Variants in KLRG1 observed in about 807,000 individuals in gnomAD.
The protein encoded by KLRG1 is killer cell lectin-like receptor subfamily G member 1.
Under a neutral mutation model 21.8 loss-of-function variants are expected in KLRG1, and 16 were observed. That is an observed-to-expected ratio of 0.73 (90% CI 0.50 to 1.11). The LOEUF (loss-of-function observed/expected upper bound fraction) is 1.11, where lower values mean the gene tolerates loss of function less well. Among genes scored for constraint, KLRG1 ranks in the 50% most tolerant of loss-of-function variants. The pLI, the probability that KLRG1 is intolerant of heterozygous loss-of-function variation, is 0.00. For synonymous variants in KLRG1, 69 were observed against 75.9 expected (o/e 0.91, Z 0.47); for missense variants, 173 against 218.3 (o/e 0.79, Z 1.31).
At chr12:9,086,921 T>C in the KLRG1 span, among the ~76,000 whole-genome samples, 1,352 of 152,300 alleles carry the variant, frequency 8.9e-3, 25 homozygotes, top group African/African-American at 0.031. Flanking sequence ...CAAGAACTTA[T>C]AAATGAATGC....
chr12:9,134,748 T>A, the KLRG1 span, among the ~76,000 whole-genome samples: 283 of 152,314 alleles, frequency 1.9e-3, 2 homozygotes, highest in Middle Eastern at 0.01. Context: ...AATTTTCTTC[T>A]TTTTAAAGAA....
the KLRG1 span, among the ~76,000 whole-genome samples, chr12:9,196,032 T>C: frequency 1.3e-5 from 2 of 152,104 alleles, no homozygotes; most frequent in Non-Finnish European, 2.9e-5. Context: ...ATGATAGAAA[T>C]ATCATTTATT....
chr12:8,961,912 C>T (rs1285051146), intron 1 of KLRG1, among the ~76,000 whole-genome samples: 1 of 152,110 alleles, frequency 6.6e-6, no homozygotes, highest in Non-Finnish European at 1.5e-5. Flanking sequence ...ATAGGAAGAC[C>T]TCATCTCTAC....
At chr12:9,195,973 GAC>G in the KLRG1 span, among the ~76,000 whole-genome samples, 1 of 151,870 alleles carries the variant, frequency 6.6e-6, no homozygotes, top group Admixed American at 6.6e-5. Context: ...AAAGAACACT[GAC>G]AGCCATAAAT....
chr12:9,126,008 C>G, the KLRG1 span, among the ~76,000 whole-genome samples: 2 of 152,250 alleles, frequency 1.3e-5, no homozygotes, highest in African/African-American at 4.8e-5. Flanking sequence ...GCTGGGATTA[C>G]AGGCGTGAGC....
intron 3 of KLRG1, among the ~76,000 whole-genome samples, chr12:8,996,972 A>G (rs1392892880): frequency 6.6e-6 from 1 of 152,224 alleles, no homozygotes; most frequent in Non-Finnish European, 1.5e-5. Context: ...AGCAGCTGCT[A>G]TAAATTTCAC....
chr12:9,111,052 G>A, the KLRG1 span, among the ~76,000 whole-genome samples: 1 of 152,078 alleles, frequency 6.6e-6, no homozygotes, highest in East Asian at 1.9e-4. Flanking sequence ...GAATTCTTAC[G>A]TAGTTCTAAG....
the KLRG1 span, chr12:9,196,454 G>T: frequency 3.1e-6 from 5 of 1,592,600 alleles, no homozygotes; most frequent in Non-Finnish European, 4.3e-6. Flanking sequence ...AAAATATAAA[G>T]AGTCAGTACT....
chr12:8,994,539 G>T (rs753714778), intron 2 of KLRG1, among the ~76,000 whole-genome samples: 50 of 152,312 alleles, frequency 3.3e-4, no homozygotes, highest in African/African-American at 1.2e-3. Flanking sequence ...TTTTGCTGAG[G>T]TATAAGGGTT....
intron 1 of KLRG1, among the ~76,000 whole-genome samples, chr12:8,967,084 G>A (rs1344452783): frequency 1.3e-5 from 2 of 148,468 alleles, no homozygotes; most frequent in Non-Finnish European, 3.0e-5. Flanking sequence ...CTATTGCAAG[G>A]ACAAAAAACC....
chr12:8,959,834 G>A (rs1946354413), intron 1 of KLRG1, among the ~76,000 whole-genome samples: 1 of 152,096 alleles, frequency 6.6e-6, no homozygotes, highest in African/African-American at 2.4e-5. Context: ...TTTTGTGAAT[G>A]TTTACTGGTA....
intron 1 of KLRG1, among the ~76,000 whole-genome samples, chr12:8,978,897 G>A (rs1466257085): frequency 6.6e-6 from 1 of 151,588 alleles, no homozygotes; most frequent in Non-Finnish European, 1.5e-5. Flanking sequence ...GTAGTTTTAG[G>A]AAAGACAGGG....
chr12:9,093,013 A>G, the KLRG1 span, among the ~76,000 whole-genome samples: 1 of 152,334 alleles, frequency 6.6e-6, no homozygotes, highest in African/African-American at 2.4e-5. Flanking sequence ...CAGGACAAGT[A>G]CTGCGTGATC....
chr12:8,991,048 A>G (rs1030727946), intron 1 of KLRG1, among the ~76,000 whole-genome samples: 7 of 152,146 alleles, frequency 4.6e-5, no homozygotes, highest in African/African-American at 1.4e-4. Context: ...ATACACACAT[A>G]TATAGAATAA....
the KLRG1 span, chr12:9,068,941 T>C: frequency 1.3e-6 from 1 of 775,490 alleles, no homozygotes; most frequent in Non-Finnish European, 2.1e-6. Context: ...AAAGCTTTAT[T>C]ATCCTACAGC....
chr12:9,100,691 T>C, the KLRG1 span, among the ~76,000 whole-genome samples: 46 of 152,372 alleles, frequency 3.0e-4, no homozygotes, highest in Admixed American at 1.6e-3. Flanking sequence ...AACTTTCTTT[T>C]AATTAATATT....
the KLRG1 span, chr12:9,159,877 G>C: frequency 2.1e-6 from 3 of 1,395,914 alleles, no homozygotes; most frequent in Admixed American, 5.2e-5. Context: ...GACTAAGACA[G>C]GTAATCTATG....
At chr12:9,074,906 T>C in the KLRG1 span, 1 of 1,025,036 alleles carries the variant, frequency 9.8e-7, no homozygotes, top group Non-Finnish European at 1.4e-6. Context: ...GTACTGTATG[T>C]AGATGCTTTT....
chr12:8,992,164 T>A, intron 1 of KLRG1, 42 bp from the exon 2 acceptor site: 1 of 1,512,634 alleles, frequency 6.6e-7, no homozygotes, highest in African/African-American at 1.4e-5. Context: ...TCTTTCAACC[T>A]GTCATCTGAC....
Sources: allele counts gnomAD v4.1 joint callset (sites outside exome capture counted in the v4.1 genomes callset), GRCh38; gene constraint gnomAD v4.1.1; transcripts MANE v1.5; gene names NCBI Gene and HGNC (gene_info 2026-07-23, HGNC 2026-07-21).